ZFC3H1: variants seen among roughly 807,000 people sequenced by gnomAD.
ZFC3H1 encodes zinc finger C3H1 domain-containing protein.
Under a neutral mutation model 243.7 loss-of-function variants are expected in ZFC3H1, and 71 were observed. The ratio of observed to expected loss-of-function variants is 0.29; its 90% CI spans 0.24 to 0.36. The LOEUF is 0.36. Ranked by LOEUF, ZFC3H1 falls within the 10% of genes least tolerant of loss-of-function variation. ZFC3H1 has a pLI of 1.00. For missense variants in ZFC3H1, 1,966 were observed against 2,317.1 expected (o/e 0.85, Z 3.11); for synonymous variants, 838 against 813.0 (o/e 1.03, Z -0.52).
At chr12:71,622,585 C>T (rs1300111383) in intron 24 of ZFC3H1, among the ~76,000 whole-genome samples, 1 of 152,132 alleles carries the variant, frequency 6.6e-6, no homozygotes, top group Non-Finnish European at 1.5e-5. Flanking sequence ...GCCTCAGCCT[C>T]CCGAGTAGCT....
chr12:71,634,321 G>A lies in ZFC3H1; in HGVS notation c.2361-17C>T, dbSNP rs1472087498. 6.2e-7 allele frequency: 1 copy of A among 1,609,908 alleles called. No homozygotes were observed. The highest frequency in any genetic ancestry group is 8.5e-7 in the Non-Finnish European group (1 of 1,178,576). On this transcript the variant is annotated splice_polypyrimidine_tract_variant and intron_variant, in intron 11 of 34. Coordinates refer to ENST00000378743, the MANE Select transcript of ZFC3H1 (RefSeq NM_144982.5). ...TTCTCACGGCTAAAATTATCAAAAA[G>A]GATATATGCATTACACCCAAGAATA... is the stretch of plus-strand genomic sequence containing the variant.
At chr12:71,631,583 C>T (rs549782952) in intron 16 of ZFC3H1, among the ~76,000 whole-genome samples, 195 bp downstream of exon 16, 8 of 152,204 alleles carry the variant, frequency 5.3e-5, no homozygotes, top group African/African-American at 9.6e-5. Flanking sequence ...GAATTTGATA[C>T]GAACTGATAA....
At chr12:71,635,129 T>C (rs1033907599) in intron 10 of ZFC3H1, among the ~76,000 whole-genome samples, 1 of 152,130 alleles carries the variant, frequency 6.6e-6, no homozygotes, top group African/African-American at 2.4e-5. Context: ...TAAAAACTGT[T>C]TTCTGGTAAC....
intron 31 of ZFC3H1, among the ~76,000 whole-genome samples, chr12:71,612,920 T>C (rs1232774427): frequency 6.6e-6 from 1 of 152,208 alleles, no homozygotes; most frequent in African/African-American, 2.4e-5. Flanking sequence ...GAATCTACAT[T>C]TTAAATGAGC....
At position 71,663,467 on chromosome 12, in the gene ZFC3H1, C is replaced by A; in HGVS notation, c.144G>T (p.Gly48=). 10 of 1,612,692 alleles carry A rather than the reference C, an allele frequency of 6.2e-6. No individual in the cohort carries two copies. Among genetic ancestry groups the A allele is most frequent in the Non-Finnish European group, 8.5e-6 (10 of 1,180,040 alleles). ...GCCTTCGCCGCGGATAGGGTAACAGCCCGCCGCCGCTGCTGCTGCTGCTGC... is the reference window on the plus strand; with the variant it reads ...GCCTTCGCCGCGGATAGGGTAACAGACCGCCGCCGCTGCTGCTGCTGCTGC... ...SRSSSSSSGG[G]LLPYPRRRPP... is the part of the protein sequence containing the mutation. Residue 48 remains glycine (G), a synonymous_variant, in exon 1 of 35, where the codon GGG becomes GGT. Transcript: ENST00000378743.
At position 71,636,608 on chromosome 12, in the gene ZFC3H1, T is replaced by C. The variant is rs374192480; in HGVS notation, c.1982A>G (p.Asn661Ser). 3.7e-6 allele frequency: 6 copies of C among 1,613,874 alleles called. No individual in the cohort carries two copies. In the East Asian group the frequency reaches 6.7e-5, roughly 18 times the overall value. The change falls in exon 9 of 35, where the codon AAT becomes AGT. Residue 661 changes from asparagine (N) to serine (S), a missense_variant. By Grantham distance (46) the Asn-to-Ser change is conservative. This residue lies in a region of ZFC3H1 where 1,383 missense variants were observed against 1,723.7 expected (regional missense o/e 0.80). Coordinates refer to ENST00000378743, the MANE Select transcript of ZFC3H1 (RefSeq NM_144982.5). ...SDPPSPPVLNNSHPVPRSNLS... is the reference protein window; with the variant it reads ...SDPPSPPVLNSSHPVPRSNLS... ...ATTGCTTCTTGGCACAGGATGTGAA[T>C]TGTTCAGAACTGGAGGTGAAGGTGG...
chr12:71,658,179 C>G (rs1330887727), intron 1 of ZFC3H1, among the ~76,000 whole-genome samples: 4 of 151,326 alleles, frequency 2.6e-5, no homozygotes, highest in African/African-American at 7.3e-5. Flanking sequence ...AATTTTTATT[C>G]TAAACAATTC....
chr12:71,634,166 C>A lies in ZFC3H1; in HGVS notation c.2499G>T (p.Leu833=). ...ATAACAAGGCTCACCTATGTTTTTTCAGTTTTGATTCTGCATCTGTAACCT... is the reference window on the plus strand; with the variant it reads ...ATAACAAGGCTCACCTATGTTTTTTAAGTTTTGATTCTGCATCTGTAACCT... ...TKQVTDAESK[L]KKHRILLMKD... Residue 833 remains leucine (L), a synonymous_variant, in exon 12 of 35, where the codon CTG becomes CTT. Coordinates refer to ENST00000378743, the MANE Select transcript of ZFC3H1 (RefSeq NM_144982.5). 8 of 1,607,158 alleles carry A rather than the reference C, an allele frequency of 5.0e-6. No individual in the cohort carries two copies. The highest frequency in any genetic ancestry group is 6.8e-6 in the Non-Finnish European group (8 of 1,177,968).
chr12:71,635,503 T>C lies in ZFC3H1; in HGVS notation c.2178A>G (p.Ser726=), dbSNP rs754622182. The C allele has an allele frequency of 1.9e-6, 3 of 1,575,214 alleles. No homozygotes were observed. The highest frequency in any genetic ancestry group is 4.0e-5 in the Admixed American group (2 of 50,400). The change falls in exon 10 of 35, where the codon TCA becomes TCG. Residue 726 remains serine (S), a synonymous_variant. Transcript: ENST00000378743. ...CTAATCCACCAAAAACACTATTTGTTGACTTGGAAGCCTCTCCATCAGATT... is the reference window on the plus strand; with the variant it reads ...CTAATCCACCAAAAACACTATTTGTCGACTTGGAAGCCTCTCCATCAGATT... The part of the protein sequence containing the change: ...DSESDGEASK[S]TNSVFGGLES...
chr12:71,629,752 A>T lies in ZFC3H1; in HGVS notation c.3725-42T>A. ...GCAATCTTCATGATAAATATCAATT[A>T]CAGAGACTAGGATAATTAAAATGTA... On this transcript the variant is annotated intron_variant, in intron 18 of 34. Transcript: ENST00000378743. The T allele has an allele frequency of 2.4e-6, 3 of 1,226,582 alleles. No individual in the cohort carries two copies. The South Asian group carries it at 3.6e-5, about 15-fold the overall frequency. The allele number at this position is 1,226,582 out of a possible 1,614,324, so 76.0% of individuals were successfully genotyped here.
intron 6 of ZFC3H1, among the ~76,000 whole-genome samples, chr12:71,641,351 C>CTT (rs372705938): frequency 1.2e-4 from 19 of 152,258 alleles, no homozygotes; most frequent in African/African-American, 4.6e-4. Context: ...CCAAATAATA[C>CTT]ATATTTTGTT....
In ZFC3H1 at chr12:71,615,391, C is replaced by T. The variant is rs1009593392; in HGVS notation, c.5145-75G>A. ...GAATTACACACATATTTTTTAAAATCGTTAGTTTCACTTAAATTTCATTGA... is the reference window on the plus strand; with the variant it reads ...GAATTACACACATATTTTTTAAAATTGTTAGTTTCACTTAAATTTCATTGA... On this transcript the variant is annotated intron_variant, in intron 27 of 34. Transcript: ENST00000378743. The T allele has an allele frequency of 8.2e-6, 8 of 977,312 alleles. 1 individual carries two copies. The highest frequency in any genetic ancestry group is 3.3e-5 in the African/African-American group (2 of 60,142). 60.5% of individuals were successfully genotyped at this position (977,312 alleles called of 1,614,324 possible). A position where few individuals can be genotyped will look rare whatever the true frequency, so the allele number is the denominator to read the frequency against.
intron 16 of ZFC3H1, 58 bp from the exon 17 acceptor site, chr12:71,631,012 A>G: frequency 6.9e-7 from 1 of 1,443,220 alleles, no homozygotes; most frequent in Non-Finnish European, 9.2e-7. Flanking sequence ...TCAGAAAACT[A>G]AGAAAACTTT....
rs550088781 is a variant in ZFC3H1 at position 71,636,409 on chromosome 12, G to T, written c.2100+81C>A. 4 of 1,329,852 alleles carry T rather than the reference G, an allele frequency of 3.0e-6. No individual in the cohort carries two copies. In the East Asian group the frequency reaches 9.8e-5, roughly 33 times the overall value. The allele number at this position is 1,329,852 out of a possible 1,614,324, so 82.4% of individuals were successfully genotyped here. ...ATGTGTGTATATAAATAAACCAAGG[G>T]GTAGAAAACAGGACAGCTAAACTTC... On this transcript the variant is annotated intron_variant, in intron 9 of 34. Transcript: ENST00000378743.
intron 6 of ZFC3H1, among the ~76,000 whole-genome samples, chr12:71,641,391 G>C (rs575857085): frequency 6.6e-6 from 1 of 152,140 alleles, no homozygotes; most frequent in Non-Finnish European, 1.5e-5. Context: ...ACCAAAGTAG[G>C]ATTCCAGTTT....
intron 27 of ZFC3H1, among the ~76,000 whole-genome samples, chr12:71,617,800 A>T (rs1879925946): frequency 5.9e-5 from 9 of 152,206 alleles, no homozygotes; most frequent in Admixed American, 5.9e-4. Context: ...ATTTGTAATT[A>T]TTTGTAAATA....
intron 7 of ZFC3H1, 140 bp downstream of exon 7, chr12:71,638,277 AT>A (rs1459046774): frequency 6.4e-6 from 5 of 784,928 alleles, no homozygotes; most frequent in Non-Finnish European, 1.0e-5. Flanking sequence ...TCAACTGTTT[AT>A]TCTACGTATT....
intron 22 of ZFC3H1, among the ~76,000 whole-genome samples, chr12:71,625,309 G>A (rs1053269494): frequency 1.3e-5 from 2 of 152,114 alleles, no homozygotes; most frequent in Non-Finnish European, 2.9e-5. Flanking sequence ...TGAAACTAAT[G>A]GCTCCCAAGT....
At position 71,655,960 on chromosome 12, in the gene ZFC3H1, GAAC is replaced by G. The variant is rs545559381; in HGVS notation, c.1015+922_1015+924del. Among the ~76,000 whole-genome samples, 1,390 of 152,008 alleles carry G rather than the reference GAAC, an allele frequency of 9.1e-3. 8 individuals carry two copies. Among genetic ancestry groups the G allele is most frequent in the Middle Eastern group, 0.027 (8 of 294 alleles). On this transcript the variant is annotated intron_variant, in intron 2 of 34. Transcript: ENST00000378743. ...GAACTACAGTATGATGGGATACACAGAACTACTGACATATACAATTACATGAAT... is the reference window on the plus strand; with the variant it reads ...GAACTACAGTATGATGGGATACACAGTACTGACATATACAATTACATGAAT...
Sources: allele counts gnomAD v4.1 joint callset (sites outside exome capture counted in the v4.1 genomes callset), GRCh38; gene constraint gnomAD v4.1.1; regional missense constraint gnomAD v4.1.1; transcripts MANE v1.5; gene names NCBI Gene and HGNC (gene_info 2026-07-23, HGNC 2026-07-21).